LPP: variants seen among roughly 807,000 people sequenced by gnomAD.
LPP encodes the protein lipoma-preferred partner.
In LPP, 38 loss-of-function variants were observed where a neutral mutation model predicts 60.4. The ratio of observed to expected loss-of-function variants is 0.63; its 90% CI spans 0.49 to 0.83. The LOEUF (loss-of-function observed/expected upper bound fraction) is 0.83, where lower values mean the gene tolerates loss of function less well. LPP is among the 40% of genes least tolerant of loss of function. LPP has a pLI of 0.00. For missense variants in LPP, 902 were observed against 783.6 expected (o/e 1.15, Z -1.80); for synonymous variants, 328 against 290.8 (o/e 1.13, Z -1.30).
chr3:188,673,568 G>A (rs191024717), intron 7 of LPP, among the ~76,000 whole-genome samples: 5 of 152,188 alleles, frequency 3.3e-5, no homozygotes, highest in Admixed American at 1.3e-4. Context: ...TGGGTAGGGG[G>A]CATTTTTCAG....
intron 2 of LPP, among the ~76,000 whole-genome samples, chr3:188,310,634 C>A (rs1394400385): frequency 6.6e-6 from 1 of 152,168 alleles, no homozygotes; most frequent in South Asian, 2.1e-4. Context: ...ATGGCCTCCA[C>A]TGTGAAATAT....
At chr3:188,437,702 A>G (rs1417030139) in intron 4 of LPP, among the ~76,000 whole-genome samples, 1 of 152,226 alleles carries the variant, frequency 6.6e-6, no homozygotes, top group Non-Finnish European at 1.5e-5. Context: ...TCTTGAAGTA[A>G]GCATCCCAGA....
chr3:188,753,103 A>G (rs747633478), intron 8 of LPP, among the ~76,000 whole-genome samples: 1 of 152,154 alleles, frequency 6.6e-6, no homozygotes, highest in Non-Finnish European at 1.5e-5. Context: ...AATGGGCTTT[A>G]CAAGTCAGAC....
chr3:188,439,875 A>G (rs917167996), intron 4 of LPP, among the ~76,000 whole-genome samples: 1 of 152,210 alleles, frequency 6.6e-6, no homozygotes. Context: ...TAAAGGAATC[A>G]ATCTGTAACC....
intron 1 of LPP, among the ~76,000 whole-genome samples, chr3:188,213,600 T>C (rs531327336): frequency 1.3e-3 from 196 of 152,204 alleles, no homozygotes; most frequent in Non-Finnish European, 2.5e-3. Context: ...TTAGGATATA[T>C]GGGCTCAGAT....
chr3:188,594,136 A>G (rs993568851), intron 6 of LPP, among the ~76,000 whole-genome samples: 2 of 152,212 alleles, frequency 1.3e-5, no homozygotes, highest in East Asian at 3.8e-4. Flanking sequence ...CTCAAACTTA[A>G]GAATGTGTAA....
intron 7 of LPP, among the ~76,000 whole-genome samples, chr3:188,624,539 C>G (rs1352008039): frequency 1.3e-5 from 2 of 152,120 alleles, no homozygotes; most frequent in Non-Finnish European, 2.9e-5. Context: ...GTTTAGAAAG[C>G]CATATTTGGG....
chr3:188,288,609 T>G (rs1197675236), intron 2 of LPP, among the ~76,000 whole-genome samples: 2 of 151,416 alleles, frequency 1.3e-5, no homozygotes, highest in Non-Finnish European at 2.9e-5. Context: ...CACAGATCTG[T>G]GTATCTACAC....
At chr3:188,819,692 G>T (rs1227927813) in intron 9 of LPP, among the ~76,000 whole-genome samples, 2 of 152,120 alleles carry the variant, frequency 1.3e-5, no homozygotes, top group Admixed American at 1.3e-4. Context: ...GTGAGCTTCA[G>T]CCAGGGATTG....
intron 3 of LPP, among the ~76,000 whole-genome samples, chr3:188,358,162 T>C (rs1267949840): frequency 6.6e-6 from 1 of 152,172 alleles, no homozygotes; most frequent in South Asian, 2.1e-4. Flanking sequence ...ACTGTTATTA[T>C]CACCATTTCA....
In LPP at chr3:188,490,751, AT is replaced by A. The variant is rs58700818; in HGVS notation, c.306+6068del. Among the ~76,000 whole-genome samples the A allele has an allele frequency of 4.4e-3, 404 of 91,740 alleles. 5 individuals carry two copies. The highest frequency in any genetic ancestry group is 0.015 in the African/African-American group (373 of 25,384). The allele number at this position is 91,740 out of a possible 152,430, so 60.2% of individuals were successfully genotyped here. On this transcript the variant is annotated intron_variant, in intron 5 of 11. Coordinates refer to ENST00000617246, the MANE Select transcript of LPP (RefSeq NM_001375462.1). ...AAGTTTTAGCAAAACTGGCACTGGA[AT>A]TTTTTTTTTTTTTTTTTTTTGGGAC...
At chr3:188,412,376 G>T (rs1785116301) in intron 4 of LPP, among the ~76,000 whole-genome samples, 1 of 152,074 alleles carries the variant, frequency 6.6e-6, no homozygotes. Context: ...TGATCATTTT[G>T]GTGGAATCCT....
chr3:188,440,082 T>C (rs1053782924), intron 4 of LPP, among the ~76,000 whole-genome samples: 1 of 152,222 alleles, frequency 6.6e-6, no homozygotes, highest in Non-Finnish European at 1.5e-5. Flanking sequence ...CTAGCTTCTC[T>C]GCAAGTTCTT....
At chr3:188,639,770 C>G (rs1397645450) in intron 7 of LPP, among the ~76,000 whole-genome samples, 2 of 152,152 alleles carry the variant, frequency 1.3e-5, no homozygotes, top group African/African-American at 4.8e-5. Context: ...TGAAAAAATG[C>G]TCATCATTAC....
intron 9 of LPP, among the ~76,000 whole-genome samples, chr3:188,848,509 C>CT (rs1762010173): frequency 6.6e-6 from 1 of 152,220 alleles, no homozygotes; most frequent in East Asian, 1.9e-4. Flanking sequence ...CAAGGAAGTC[C>CT]TTTGTACTAT....
chr3:188,649,407 T>A (rs183668265), intron 7 of LPP, among the ~76,000 whole-genome samples: 1 of 152,324 alleles, frequency 6.6e-6, no homozygotes, highest in Admixed American at 6.5e-5. Context: ...TGTGATTTAA[T>A]GCACCTTTAG....
intron 1 of LPP, among the ~76,000 whole-genome samples, chr3:188,164,634 G>T (rs1719382985): frequency 6.6e-6 from 1 of 152,052 alleles, no homozygotes; most frequent in South Asian, 2.1e-4. Flanking sequence ...GGCCAGGCAG[G>T]TAAGTGACAC....
intron 2 of LPP, among the ~76,000 whole-genome samples, chr3:188,234,813 C>G (rs527491722): frequency 6.6e-6 from 1 of 152,236 alleles, no homozygotes; most frequent in Admixed American, 6.5e-5. Context: ...ATGATGTCCC[C>G]ACTATTCAAA....
chr3:188,557,773 T>G (rs1829819377), intron 6 of LPP, among the ~76,000 whole-genome samples: 1 of 152,080 alleles, frequency 6.6e-6, no homozygotes, highest in African/African-American at 2.4e-5. Context: ...TTCCAGATAT[T>G]ATCTAGTCCC....
Sources: allele counts gnomAD v4.1 joint callset (sites outside exome capture counted in the v4.1 genomes callset), GRCh38; gene constraint gnomAD v4.1.1; transcripts MANE v1.5; gene names NCBI Gene and HGNC (gene_info 2026-07-23, HGNC 2026-07-21).